The following SCHIP1 variants were observed in gnomAD, a reference collection of about 807,000 sequenced individuals.
SCHIP1 encodes schwannomin-interacting protein 1.
A neutral mutation model predicts 29.7 loss-of-function variants in SCHIP1; 8 were observed. The ratio of observed to expected loss-of-function variants is 0.27; its 90% CI spans 0.16 to 0.49. SCHIP1 has a LOEUF of 0.49. Among genes scored for constraint, SCHIP1 ranks in the 20% least tolerant of loss-of-function variants. The pLI is 0.99. For synonymous variants in SCHIP1, 76 were observed against 94.9 expected, an observed-to-expected ratio of 0.80 and a Z score of 1.16; for missense variants, 193 against 294.6, an observed-to-expected ratio of 0.66 and a Z score of 2.52.
chr3:159,503,165 C>G, the SCHIP1 span, among the ~76,000 whole-genome samples: 2 of 152,094 alleles, frequency 1.3e-5, no homozygotes, highest in South Asian at 4.1e-4. Flanking sequence ...AAATAGTATC[C>G]CTTACAGGTG....
At chr3:159,687,686 G>A in the SCHIP1 span, among the ~76,000 whole-genome samples, 1 of 152,088 alleles carries the variant, frequency 6.6e-6, no homozygotes, top group African/African-American at 2.4e-5. Context: ...GTGCCATGGT[G>A]GCTTGCTGCA....
chr3:159,312,550 G>A, the SCHIP1 span, among the ~76,000 whole-genome samples: 2 of 152,164 alleles, frequency 1.3e-5, no homozygotes, highest in African/African-American at 4.8e-5. Flanking sequence ...AAGGGGAACT[G>A]GGAACCATGT....
the SCHIP1 span, among the ~76,000 whole-genome samples, chr3:159,551,988 T>A: frequency 2.1e-4 from 32 of 151,968 alleles, no homozygotes; most frequent in African/African-American, 7.2e-4. Context: ...GCTTGTGGTA[T>A]GGTAATTTCA....
chr3:159,492,226 C>T, the SCHIP1 span, among the ~76,000 whole-genome samples: 1 of 152,188 alleles, frequency 6.6e-6, no homozygotes, highest in African/African-American at 2.4e-5. Flanking sequence ...AGCTCCCTAG[C>T]AGCAACGGAA....
chr3:159,613,161 G>A, the SCHIP1 span, among the ~76,000 whole-genome samples: 8 of 152,130 alleles, frequency 5.3e-5, no homozygotes, highest in African/African-American at 1.7e-4. Context: ...TTGATTTACT[G>A]TATAAACCAA....
the SCHIP1 span, among the ~76,000 whole-genome samples, chr3:159,494,212 C>A: frequency 6.6e-6 from 1 of 152,032 alleles, no homozygotes; most frequent in African/African-American, 2.4e-5. Context: ...CAAGAGCAAA[C>A]ACATTCAAAA....
chr3:159,321,510 A>T, the SCHIP1 span, among the ~76,000 whole-genome samples: 1 of 152,194 alleles, frequency 6.6e-6, no homozygotes, highest in Non-Finnish European at 1.5e-5. Flanking sequence ...CAGTGATTTA[A>T]TTTTTCAGGC....
At chr3:159,862,284 A>G (rs1221317609) in intron 1 of SCHIP1, among the ~76,000 whole-genome samples, 1 of 152,192 alleles carries the variant, frequency 6.6e-6, no homozygotes, top group Non-Finnish European at 1.5e-5. Flanking sequence ...TGGAAAAGTG[A>G]TGAGAAAAAG....
At chr3:159,870,928 C>T (rs1422024792) in intron 2 of SCHIP1, among the ~76,000 whole-genome samples, 3 of 151,864 alleles carry the variant, frequency 2.0e-5, no homozygotes, top group African/African-American at 7.3e-5. Context: ...CTGGTGTTTA[C>T]TTTGTGTATT....
chr3:159,461,081 G>A, the SCHIP1 span, among the ~76,000 whole-genome samples: 1 of 151,466 alleles, frequency 6.6e-6, no homozygotes, highest in African/African-American at 2.5e-5. Context: ...CTGACTCAGA[G>A]ACACTGATCT....
chr3:159,643,125 A>C, the SCHIP1 span, among the ~76,000 whole-genome samples: 1 of 152,106 alleles, frequency 6.6e-6, no homozygotes, highest in Non-Finnish European at 1.5e-5. Context: ...AGTTCCTCCA[A>C]GAAGTCAAGA....
the SCHIP1 span, among the ~76,000 whole-genome samples, chr3:159,760,956 G>A: frequency 3.5e-3 from 539 of 152,286 alleles, 2 homozygotes; most frequent in African/African-American, 0.012. Flanking sequence ...TGAGTGTCAC[G>A]GGCACGTGCG....
the SCHIP1 span, among the ~76,000 whole-genome samples, chr3:159,447,130 C>T: frequency 8.8e-4 from 134 of 152,168 alleles, no homozygotes; most frequent in African/African-American, 2.9e-3. Context: ...TTTTAAATGC[C>T]GGGTCAGAAA....
chr3:159,650,804 A>G, the SCHIP1 span, among the ~76,000 whole-genome samples: 1 of 152,194 alleles, frequency 6.6e-6, no homozygotes, highest in South Asian at 2.1e-4. Flanking sequence ...TTGCACTGGA[A>G]CGAGGTCAAT....
chr3:159,764,284 C>T, the SCHIP1 span: 2 of 775,244 alleles, frequency 2.6e-6, no homozygotes, highest in Non-Finnish European at 3.9e-6. This position sits in a 1 kb window ranked among gnomAD's most constrained non-coding sequence, Gnocchi z 6.1. Context: ...AGGGAAGCCT[C>T]AGGCTGGTGC....
chr3:159,896,604 T>C, intron 6 of SCHIP1, 119 bp from the exon 8 acceptor site: 1 of 956,392 alleles, frequency 1.0e-6, no homozygotes, highest in South Asian at 2.9e-5. Flanking sequence ...TTCTTGATTC[T>C]AATCTATTTC....
chr3:159,884,947 G>A (rs928144487), intron 2 of SCHIP1, among the ~76,000 whole-genome samples: 3 of 152,146 alleles, frequency 2.0e-5, no homozygotes, highest in Non-Finnish European at 4.4e-5. Context: ...TTCTTACAGG[G>A]GTTGTAAGCT....
the SCHIP1 span, chr3:159,399,021 T>C: frequency 1.2e-6 from 1 of 823,154 alleles, no homozygotes; most frequent in Non-Finnish European, 1.5e-6. Context: ...TATATTCTAG[T>C]GCCCACCCCA....
At chr3:159,649,306 A>G in the SCHIP1 span, among the ~76,000 whole-genome samples, 5 of 152,282 alleles carry the variant, frequency 3.3e-5, no homozygotes, top group South Asian at 1.0e-3. Flanking sequence ...CTACCCCAAA[A>G]GTGCTCACAA....
Sources: gnomAD v4.1 joint callset for allele counts (sites outside exome capture counted in the v4.1 genomes callset) on GRCh38, gnomAD v4.1.1 for gene constraint, Gnocchi (gnomAD v3.1) non-coding constraint, MANE v1.5 for transcripts, NCBI Gene and HGNC (gene_info 2026-07-23, HGNC 2026-07-21) for gene names.